OLAH: variants seen among roughly 807,000 people sequenced by gnomAD.
OLAH encodes the protein S-acyl fatty acid synthase thioesterase, medium chain.
Under a neutral mutation model 27.8 loss-of-function variants are expected in OLAH, and 33 were observed. That is an observed-to-expected ratio of 1.19 (90% CI 0.90 to 1.59). The LOEUF (loss-of-function observed/expected upper bound fraction) is 1.59, where lower values mean the gene tolerates loss of function less well. Ranked by LOEUF, OLAH falls within the 40% of genes most tolerant of loss-of-function variation. The pLI, the probability that OLAH is intolerant of heterozygous loss-of-function variation, is 0.00. For missense variants in OLAH, 359 were observed against 310.8 expected (o/e 1.16, Z -1.17); for synonymous variants, 120 against 102.9 (o/e 1.17, Z -1.01).
intron 1 of OLAH, among the ~76,000 whole-genome samples, chr10:15,033,073 C>T (rs1843784097): frequency 6.6e-6 from 1 of 150,768 alleles, no homozygotes; most frequent in South Asian, 2.1e-4. Context: ...GATGGGGTTT[C>T]ACCATGTTGG....
intron 2 of OLAH, among the ~76,000 whole-genome samples, chr10:15,048,393 T>G (rs1244575124): frequency 1.3e-5 from 2 of 152,154 alleles, no homozygotes; most frequent in African/African-American, 4.8e-5. Context: ...AATTTTTGTA[T>G]TATTAGTAGA....
upstream of OLAH, chr10:15,032,198 C>G (rs1027476090): frequency 3.3e-5 from 5 of 152,162 alleles, no homozygotes; most frequent in African/African-American, 1.2e-4. Context: ...AAAGGCTGGA[C>G]TAGCCTAGCC....
chr10:15,071,490 C>T (rs933955517), intron 6 of OLAH: 5 of 983,096 alleles, frequency 5.1e-6, no homozygotes, highest in Middle Eastern at 5.2e-4. Flanking sequence ...AAGAGGTCTT[C>T]GTTTCTGATG....
At chr10:15,042,720 C>T (rs1269934209), upstream of OLAH, among the ~76,000 whole-genome samples, 1 of 152,206 alleles carries the variant, frequency 6.6e-6, no homozygotes, top group Non-Finnish European at 1.5e-5. Flanking sequence ...GGCTGAAGAA[C>T]CCAAGCCTTC....
At chr10:15,041,545 T>C (rs963734734), upstream of OLAH, among the ~76,000 whole-genome samples, 2 of 150,272 alleles carry the variant, frequency 1.3e-5, no homozygotes, top group Admixed American at 1.3e-4. Flanking sequence ...CCCAAAGTGC[T>C]AGGATTACAG....
rs557110616 is a variant in OLAH at position 15,048,865 on chromosome 10, G to A, written c.33-770G>A. Among the ~76,000 whole-genome samples the A allele has an allele frequency of 7.2e-5, 11 of 152,156 alleles. 1 individual carries two copies. The East Asian group carries it at 2.1e-3, about 29-fold the overall frequency. ...TTTTGTAATCCCAGCACTTTGGGAG[G>A]CCGAGGCGGGCGGATCACCTGAGGT... On this transcript the variant is annotated intron_variant, in intron 2 of 7. Transcript: ENST00000378228.
At chr10:15,039,285 A>C (rs1173538357), upstream of OLAH, among the ~76,000 whole-genome samples, 1 of 152,026 alleles carries the variant, frequency 6.6e-6, no homozygotes, top group Non-Finnish European at 1.5e-5. Flanking sequence ...TCCCTAGAAG[A>C]CTGCATGTGT....
chr10:15,032,990 A>G (rs763113622), intron 1 of OLAH, among the ~76,000 whole-genome samples: 2 of 152,036 alleles, frequency 1.3e-5, no homozygotes, highest in Non-Finnish European at 2.9e-5. Flanking sequence ...CTCATGCCTC[A>G]GCATCCCAAG....
At chr10:15,046,079 C>T (rs540973651) in intron 1 of OLAH, among the ~76,000 whole-genome samples, 2 of 151,724 alleles carry the variant, frequency 1.3e-5, no homozygotes, top group African/African-American at 4.8e-5. Flanking sequence ...GGTGTGGTGG[C>T]TCACGCCTAT....
intron 6 of OLAH, among the ~76,000 whole-genome samples, chr10:15,071,198 G>T (rs1439794893): frequency 6.6e-5 from 10 of 152,012 alleles, no homozygotes; most frequent in Non-Finnish European, 2.9e-5. Flanking sequence ...CAGGAGACTT[G>T]CCTTGACCCT....
chr10:15,069,840 C>T (rs1249858459), intron 6 of OLAH, among the ~76,000 whole-genome samples: 1 of 151,840 alleles, frequency 6.6e-6, no homozygotes, highest in Non-Finnish European at 1.5e-5. Context: ...CACTCAAGCC[C>T]GGGCAATAGA....
At chr10:15,052,179 A>C (rs967987340) in intron 3 of OLAH, among the ~76,000 whole-genome samples, 2 of 152,252 alleles carry the variant, frequency 1.3e-5, no homozygotes, top group Admixed American at 6.5e-5. Flanking sequence ...GCTACTCGGG[A>C]GGCTGAGGCA....
At chr10:15,041,412 G>A (rs1425154248), upstream of OLAH, among the ~76,000 whole-genome samples, 1 of 151,858 alleles carries the variant, frequency 6.6e-6, no homozygotes, top group Non-Finnish European at 1.5e-5. Context: ...CTGAGTAACT[G>A]GGATTACAGG....
upstream of OLAH, among the ~76,000 whole-genome samples, chr10:15,039,777 A>C (rs1843893757): frequency 6.6e-6 from 1 of 152,234 alleles, no homozygotes; most frequent in Non-Finnish European, 1.5e-5. Context: ...TGCAGTCGTC[A>C]GTTTGGAAGA....
intron 3 of OLAH, among the ~76,000 whole-genome samples, chr10:15,054,405 T>C (rs572238025): frequency 6.6e-6 from 1 of 152,360 alleles, no homozygotes; most frequent in South Asian, 2.1e-4. Context: ...TCAGTCTGCC[T>C]TATGCCCCTT....
rs1844603501 is a variant in OLAH at position 15,072,223 on chromosome 10, T to C, written c.655+346T>C. Among the ~76,000 whole-genome samples, 7 of 152,162 alleles carry C rather than the reference T, an allele frequency of 4.6e-5. No individual in the cohort carries two copies. The South Asian group carries it at 1.4e-3, about 32-fold the overall frequency. On this transcript the variant is annotated intron_variant, in intron 7 of 7. Transcript: ENST00000378228. ...CTGGGATTATAGGCATGAGCCACCATGCCTGGCCAGCTTTTAAAATTTTTT... is the reference window on the plus strand; with the variant it reads ...CTGGGATTATAGGCATGAGCCACCACGCCTGGCCAGCTTTTAAAATTTTTT...
intron 6 of OLAH, chr10:15,071,505 T>A: frequency 1.0e-6 from 1 of 985,020 alleles, no homozygotes; most frequent in East Asian, 1.1e-4. Flanking sequence ...CTGATGACAG[T>A]TTAAAGGACT....
chr10:15,053,960 C>T (rs1009485646), intron 3 of OLAH, among the ~76,000 whole-genome samples: 3 of 151,600 alleles, frequency 2.0e-5, no homozygotes. Flanking sequence ...GTATTGTACT[C>T]AGTCAAGGAT....
At chr10:15,055,311 G>A (rs1478907742) in intron 3 of OLAH, among the ~76,000 whole-genome samples, 4 of 152,204 alleles carry the variant, frequency 2.6e-5, no homozygotes, top group African/African-American at 9.6e-5. Context: ...GACTAGTGAA[G>A]TGCAGTTTTA....
Sources: allele counts gnomAD v4.1 joint callset (sites outside exome capture counted in the v4.1 genomes callset), GRCh38; gene constraint gnomAD v4.1.1; transcripts MANE v1.5; gene names NCBI Gene and HGNC (gene_info 2026-07-23, HGNC 2026-07-21).